Variants in GNB1 observed in about 807,000 individuals in gnomAD.
GNB1 encodes guanine nucleotide-binding protein G(I)/G(S)/G(T) subunit beta-1.
GNB1 carries 2 observed loss-of-function variants against 42.9 expected under a neutral mutation model. That is an observed-to-expected ratio of 0.05 (90% CI 0.02 to 0.15). The LOEUF is 0.15. Ranked by LOEUF, GNB1 falls within the 10% of genes least tolerant of loss-of-function variation. The pLI, the probability that GNB1 is intolerant of heterozygous loss-of-function variation, is 1.00. For synonymous variants in GNB1, 183 were observed against 174.7 expected (o/e 1.05, Z -0.38); for missense variants, 193 against 462.2 (o/e 0.42, Z 5.34).
At chr1:1,815,449 G>C (rs1034358770) in intron 5 of GNB1, among the ~76,000 whole-genome samples, 10 of 152,242 alleles carry the variant, frequency 6.6e-5, no homozygotes, top group Non-Finnish European at 1.3e-4. Context: ...GTAGGATGCA[G>C]TAGAACTGGG....
intron 1 of GNB1, among the ~76,000 whole-genome samples, chr1:1,875,580 C>G (rs1649496771): frequency 2.0e-5 from 3 of 152,086 alleles, no homozygotes; most frequent in Non-Finnish European, 4.4e-5. Flanking sequence ...ACAATCATAG[C>G]TCATTGCAGC....
intron 5 of GNB1, among the ~76,000 whole-genome samples, chr1:1,812,814 C>T (rs1426606336): frequency 7.6e-6 from 1 of 131,202 alleles, no homozygotes; most frequent in African/African-American, 2.8e-5. Flanking sequence ...GGATCTGGCG[C>T]CCACCCCACC....
At chr1:1,842,852 A>G (rs2101275693) in intron 1 of GNB1, among the ~76,000 whole-genome samples, 1 of 152,380 alleles carries the variant, frequency 6.6e-6, no homozygotes, top group African/African-American at 2.4e-5. Flanking sequence ...TGAATGATGC[A>G]AACTACCCCA....
At chr1:1,870,848 G>A (rs1396019161) in intron 1 of GNB1, among the ~76,000 whole-genome samples, 3 of 152,076 alleles carry the variant, frequency 2.0e-5, no homozygotes, top group African/African-American at 7.2e-5. Context: ...TGAGGCAGGA[G>A]AATCGCTTGA....
chr1:1,862,359 G>T (rs1648679095), intron 1 of GNB1, among the ~76,000 whole-genome samples: 1 of 152,186 alleles, frequency 6.6e-6, no homozygotes, highest in African/African-American at 2.4e-5. Context: ...ATTAGGAGAT[G>T]ATTACAACAG....
At chr1:1,842,434 CAA>C (rs758786067) in intron 1 of GNB1, among the ~76,000 whole-genome samples, 26 of 91,220 alleles carry the variant, frequency 2.9e-4, no homozygotes, top group Non-Finnish European at 3.6e-4. Context: ...GACTCCATCT[CAA>C]AAAAAAAAAA....
At chr1:1,850,986 C>T (rs1436183547) in intron 1 of GNB1, among the ~76,000 whole-genome samples, 2 of 152,176 alleles carry the variant, frequency 1.3e-5, no homozygotes, top group East Asian at 3.8e-4. Context: ...AACATACTGG[C>T]CGGCCAGGCG....
In GNB1 at chr1:1,790,693, C is replaced by T. The variant is rs750789639; in HGVS notation, c.498-97G>A. 1.3e-6 allele frequency: 1 copy of T among 750,770 alleles called. No individual in the cohort carries two copies. Among genetic ancestry groups the T allele is most frequent in the Non-Finnish European group, 2.4e-6 (1 of 422,088 alleles). 46.5% of individuals were successfully genotyped at this position (750,770 alleles called of 1,614,324 possible). ...CTGTCCTTCAAACCACCCAGGGCCACAGTGAGCCTCTGCACTGTTACTTTA... is the reference window on the plus strand; with the variant it reads ...CTGTCCTTCAAACCACCCAGGGCCATAGTGAGCCTCTGCACTGTTACTTTA... On this transcript the variant is annotated intron_variant, in intron 8 of 11. Coordinates refer to ENST00000378609, the MANE Select transcript of GNB1 (RefSeq NM_002074.5). This position sits in a 1 kb window ranked among gnomAD's most constrained non-coding sequence, Gnocchi z 5.4.
chr1:1,864,730 G>C (rs141240447), intron 1 of GNB1, among the ~76,000 whole-genome samples: 2 of 152,086 alleles, frequency 1.3e-5, no homozygotes, highest in African/African-American at 4.8e-5. Context: ...AAAATTCTTC[G>C]TTCTGCAATT....
At chr1:1,797,544 TCTC>T (rs1009373138) in intron 7 of GNB1, among the ~76,000 whole-genome samples, 1 of 152,098 alleles carries the variant, frequency 6.6e-6, no homozygotes. Context: ...GTTCAGCACT[TCTC>T]CTGCTTCAGC....
intron 1 of GNB1, among the ~76,000 whole-genome samples, chr1:1,853,162 TGGCCC>T (rs1648084232): frequency 6.6e-6 from 1 of 152,164 alleles, no homozygotes; most frequent in Non-Finnish European, 1.5e-5. Context: ...CATCTTTGCC[TGGCCC>T]GTTACTAATC....
At chr1:1,792,928 T>C (rs1473703563) in intron 8 of GNB1, among the ~76,000 whole-genome samples, 1 of 151,816 alleles carries the variant, frequency 6.6e-6, no homozygotes, top group East Asian at 1.9e-4. Context: ...TAGTCAGGCG[T>C]GGTGGCGGGC....
intron 2 of GNB1, among the ~76,000 whole-genome samples, chr1:1,833,905 A>C (rs1647109957): frequency 6.6e-6 from 1 of 152,190 alleles, no homozygotes; most frequent in African/African-American, 2.4e-5. Context: ...AAAGCTCTAG[A>C]ACTAGAAGAC....
intron 2 of GNB1, among the ~76,000 whole-genome samples, chr1:1,827,626 A>G (rs1366055377): frequency 6.6e-6 from 1 of 152,216 alleles, no homozygotes; most frequent in Non-Finnish European, 1.5e-5. Flanking sequence ...TAAGAGTGCC[A>G]GGACAAGATG....
At chr1:1,825,541 A>G in intron 2 of GNB1, 42 bp from the exon 3 acceptor site, 4 of 1,002,716 alleles carry the variant, frequency 4.0e-6, no homozygotes, top group South Asian at 1.3e-5. Context: ...CAACTGTTGG[A>G]TAATTTAATG....
chr1:1,861,837 T>TC (rs1345527659), intron 1 of GNB1, among the ~76,000 whole-genome samples: 1 of 151,552 alleles, frequency 6.6e-6, no homozygotes, highest in Admixed American at 6.6e-5. Context: ...AAAACCTGAA[T>TC]CCCCCCATGA....
At chr1:1,826,072 A>T (rs371079109) in intron 2 of GNB1, among the ~76,000 whole-genome samples, 4 of 152,240 alleles carry the variant, frequency 2.6e-5, no homozygotes, top group African/African-American at 9.6e-5. Flanking sequence ...AAAATCTGTT[A>T]AGCATTTTTC....
At chr1:1,865,277 A>ACC (rs1274279500) in intron 1 of GNB1, among the ~76,000 whole-genome samples, 216 of 146,618 alleles carry the variant, frequency 1.5e-3, no homozygotes, top group Non-Finnish European at 2.2e-3. Flanking sequence ...ACAAAAAAAA[A>ACC]ACAAAAAAAA....
intron 1 of GNB1, among the ~76,000 whole-genome samples, chr1:1,850,905 T>C (rs891430220): frequency 2.6e-5 from 4 of 152,174 alleles, no homozygotes; most frequent in African/African-American, 9.7e-5. Flanking sequence ...TAGTCTTCAG[T>C]TGGGTTTGGA....
Sources: allele counts gnomAD v4.1 joint callset (sites outside exome capture counted in the v4.1 genomes callset), GRCh38; gene constraint gnomAD v4.1.1; non-coding constraint Gnocchi (gnomAD v3.1); transcripts MANE v1.5; gene names NCBI Gene and HGNC (gene_info 2026-07-23, HGNC 2026-07-21).